GRID2: variants seen among roughly 807,000 people sequenced by gnomAD.
GRID2 encodes the protein glutamate receptor ionotropic, delta-2.
In GRID2, 33 loss-of-function variants were observed where a neutral mutation model predicts 114.8. The observed-to-expected ratio is 0.29, with a 90% CI of 0.22 to 0.38. The LOEUF (loss-of-function observed/expected upper bound fraction) is 0.38, where lower values mean the gene tolerates loss of function less well. Among genes scored for constraint, GRID2 ranks in the 10% least tolerant of loss-of-function variants. The pLI is 1.00. For synonymous variants in GRID2, 505 were observed against 449.9 expected, an observed-to-expected ratio of 1.12 and a Z score of -1.55; for missense variants, 1,184 against 1,257.7, an observed-to-expected ratio of 0.94 and a Z score of 0.89.
intron 13 of GRID2, among the ~76,000 whole-genome samples, chr4:93,561,074 T>C (rs776569339): frequency 1.3e-5 from 2 of 152,122 alleles, no homozygotes; most frequent in East Asian, 1.9e-4. Context: ...TTTTAAATGA[T>C]ATGATGTTTG....
chr4:92,786,152 C>A (rs1739311694), intron 2 of GRID2, among the ~76,000 whole-genome samples: 1 of 151,820 alleles, frequency 6.6e-6, no homozygotes, highest in Non-Finnish European at 1.5e-5. Context: ...TTTAACCTTG[C>A]CTAAAACTTC....
chr4:92,565,659 G>C (rs867621355), intron 1 of GRID2, among the ~76,000 whole-genome samples: 1 of 151,736 alleles, frequency 6.6e-6, no homozygotes, highest in Non-Finnish European at 1.5e-5. Context: ...AGTTCCTAAC[G>C]CAGCGGTACA....
chr4:93,344,182 A>G (rs997873251), intron 8 of GRID2, among the ~76,000 whole-genome samples: 9 of 152,068 alleles, frequency 5.9e-5, no homozygotes, highest in African/African-American at 2.2e-4. Flanking sequence ...TAGCCCTTAC[A>G]AGACTGGTCA....
At chr4:92,933,140 T>C (rs1278030880) in intron 2 of GRID2, among the ~76,000 whole-genome samples, 1 of 150,512 alleles carries the variant, frequency 6.6e-6, no homozygotes, top group Non-Finnish European at 1.5e-5. Flanking sequence ...ATATGTACAA[T>C]TTTATACATT....
chr4:93,455,113 T>A (rs1723063909), intron 10 of GRID2, among the ~76,000 whole-genome samples: 1 of 152,128 alleles, frequency 6.6e-6, no homozygotes, highest in Non-Finnish European at 1.5e-5. Flanking sequence ...ATCATAGTAG[T>A]GACCTTAGGC....
intron 2 of GRID2, among the ~76,000 whole-genome samples, chr4:93,009,773 A>G (rs1721934238): frequency 6.6e-6 from 1 of 151,684 alleles, no homozygotes; most frequent in African/African-American, 2.4e-5. Flanking sequence ...TCAGCATTCT[A>G]CTCTCTCTTC....
intron 8 of GRID2, among the ~76,000 whole-genome samples, chr4:93,348,356 A>G (rs1760451387): frequency 6.6e-6 from 1 of 152,210 alleles, no homozygotes; most frequent in Non-Finnish European, 1.5e-5. Context: ...TTTGAACCCA[A>G]GCTGAAAGTG....
chr4:92,947,299 C>T (rs796836266), intron 2 of GRID2, among the ~76,000 whole-genome samples: 4 of 151,774 alleles, frequency 2.6e-5, no homozygotes, highest in Non-Finnish European at 5.9e-5. Context: ...CCTGTATGCC[C>T]AATATTTATG....
At chr4:92,444,839 A>T (rs1262875606) in intron 1 of GRID2, among the ~76,000 whole-genome samples, 2 of 152,178 alleles carry the variant, frequency 1.3e-5, no homozygotes, top group African/African-American at 4.8e-5. Context: ...TGGAGGATTG[A>T]TACATTTTTG....
At chr4:92,454,371 TTATA>T (rs1721100549) in intron 1 of GRID2, among the ~76,000 whole-genome samples, 1 of 152,222 alleles carries the variant, frequency 6.6e-6, no homozygotes. Flanking sequence ...ACAAGTTTCC[TTATA>T]TAAATTTTTT....
At chr4:93,637,737 C>T (rs1721542999) in intron 14 of GRID2, among the ~76,000 whole-genome samples, 1 of 152,092 alleles carries the variant, frequency 6.6e-6, no homozygotes, top group Non-Finnish European at 1.5e-5. Context: ...AATATTTTCC[C>T]TTCCTCTCAT....
intron 2 of GRID2, among the ~76,000 whole-genome samples, chr4:92,635,245 G>A (rs187309397): frequency 1.3e-5 from 2 of 152,052 alleles, no homozygotes; most frequent in East Asian, 1.9e-4. Context: ...GTTTGATTTC[G>A]GCTGTTGTTT....
chr4:92,368,764 C>A (rs1022721345), intron 1 of GRID2, among the ~76,000 whole-genome samples: 4 of 151,650 alleles, frequency 2.6e-5, no homozygotes, highest in Non-Finnish European at 2.9e-5. Flanking sequence ...AAAGAATGAG[C>A]CAGAAAATTG....
At chr4:93,075,801 TG>T (rs1244433539) in intron 2 of GRID2, among the ~76,000 whole-genome samples, 15 of 151,350 alleles carry the variant, frequency 9.9e-5, no homozygotes, top group Admixed American at 7.2e-4. Flanking sequence ...ATAAATTATT[TG>T]AAAAGCTAAA....
At chr4:93,675,307 T>A (rs1196122946) in intron 14 of GRID2, among the ~76,000 whole-genome samples, 1 of 152,192 alleles carries the variant, frequency 6.6e-6, no homozygotes, top group African/African-American at 2.4e-5. Context: ...TCTAACAGTT[T>A]TTTTTAATAG....
chr4:92,562,542 C>T (rs1449344439), intron 1 of GRID2, among the ~76,000 whole-genome samples: 1 of 152,158 alleles, frequency 6.6e-6, no homozygotes, highest in Non-Finnish European at 1.5e-5. Flanking sequence ...GTAGTACTAA[C>T]AGTCAATTCT....
intron 1 of GRID2, among the ~76,000 whole-genome samples, chr4:92,495,096 G>A (rs1490171364): frequency 6.6e-6 from 1 of 151,894 alleles, no homozygotes; most frequent in Non-Finnish European, 1.5e-5. Context: ...GCATTCATGT[G>A]GAATCTATTA....
At chr4:93,329,861 G>T (rs1315777850) in intron 8 of GRID2, among the ~76,000 whole-genome samples, 2 of 151,764 alleles carry the variant, frequency 1.3e-5, no homozygotes, top group African/African-American at 4.8e-5. Flanking sequence ...ACAAACGTAG[G>T]ATTCTGCTAG....
At chr4:93,594,600 C>T (rs1560794408) in intron 13 of GRID2, among the ~76,000 whole-genome samples, 1 of 152,210 alleles carries the variant, frequency 6.6e-6, no homozygotes, top group Non-Finnish European at 1.5e-5. Context: ...AGCTTCCAGG[C>T]TGCTTTGTTT....
Sources: gnomAD v4.1 joint callset for allele counts (sites outside exome capture counted in the v4.1 genomes callset) on GRCh38, gnomAD v4.1.1 for gene constraint, MANE v1.5 for transcripts, NCBI Gene and HGNC (gene_info 2026-07-23, HGNC 2026-07-21) for gene names.